CCDC146: variants seen among roughly 807,000 people sequenced by gnomAD.
CCDC146 encodes the protein coiled-coil domain containing 146, also known as coiled-coil domain-containing protein 146.
In CCDC146, 92 loss-of-function variants were observed where a neutral mutation model predicts 119.3. The ratio of observed to expected loss-of-function variants is 0.77; its 90% confidence interval spans 0.65 to 0.92. The LOEUF is 0.92. Among genes scored for constraint, CCDC146 ranks in the 40% least tolerant of loss-of-function variants. The probability of loss-of-function intolerance (pLI) is 0.00; values close to 1 mark genes in which losing one functional copy is unlikely to be tolerated. For synonymous variants in CCDC146, 372 were observed against 371.8 expected (o/e 1.00, Z -0.01); for missense variants, 1,000 against 1,103.0 (o/e 0.91, Z 1.32).
At chr7:77,143,685 A>G (rs1028993040) in intron 1 of CCDC146, among the ~76,000 whole-genome samples, 7 of 151,722 alleles carry the variant, frequency 4.6e-5, no homozygotes, top group African/African-American at 1.7e-4. Flanking sequence ...TCCTTTCTCC[A>G]TTGCTTGTTT....
In CCDC146 at chr7:77,262,233, A is replaced by G. The variant is rs1453460954; in HGVS notation, c.1099A>G (p.Met367Val). The G allele has an allele frequency of 2.5e-6, 4 of 1,613,974 alleles. No individual in the cohort carries two copies. The African/African-American group carries it at 5.3e-5, about 22-fold the overall frequency. ...ACGAGATTTTCGAAATTTAAGAAAG[A>G]TGGAACTGCTCTTGAAAGTGTCCTG... is the stretch of plus-strand genomic sequence containing the variant. ...KERDFRNLRK[M>V]ELLLKVSWDA... The change falls in exon 9 of 19, where the codon ATG becomes GTG. Residue 367 changes from methionine to valine, a missense_variant. This residue lies in a region of CCDC146 where 985 missense variants were observed against 1,045.3 expected (regional missense o/e 0.94). Coordinates refer to ENST00000285871, the MANE Select transcript of CCDC146 (RefSeq NM_020879.3).
chr7:77,166,834 C>T (rs185045142), intron 1 of CCDC146, among the ~76,000 whole-genome samples: 76 of 152,080 alleles, frequency 5.0e-4, no homozygotes, highest in African/African-American at 1.6e-3. Context: ...GTCACCCTGC[C>T]AATATGATTT....
At chr7:77,231,216 A>T (rs1792620916) in intron 2 of CCDC146, among the ~76,000 whole-genome samples, 1 of 152,208 alleles carries the variant, frequency 6.6e-6, no homozygotes, top group Non-Finnish European at 1.5e-5. Flanking sequence ...CTTGTCTTCA[A>T]GTTACCCTTA....
At chr7:77,207,413 C>G (rs1661579625) in intron 2 of CCDC146, among the ~76,000 whole-genome samples, 1 of 152,090 alleles carries the variant, frequency 6.6e-6, no homozygotes, top group Non-Finnish European at 1.5e-5. Flanking sequence ...TTTGACACAG[C>G]TTTTTCTGCT....
In CCDC146 at chr7:77,256,474, C is replaced by T; in HGVS notation, c.649C>T (p.Leu217=). The T allele has an allele frequency of 6.2e-7, 1 of 1,605,480 alleles. No homozygotes were observed. The highest frequency in any genetic ancestry group is 2.2e-5 in the East Asian group (1 of 44,788). The change falls in exon 6 of 19, where the codon CTA becomes TTA. Residue 217 remains leucine (L), a synonymous_variant. Transcript: ENST00000285871. ...QKQLLKEQKE[L]EELLGHQVVL... Reference sequence around the variant, plus strand: ...GCAATTATTAAAAGAGCAGAAGGAACTAGAAGAATTGTTGGGACATCAGGT... The same window carrying T: ...GCAATTATTAAAAGAGCAGAAGGAATTAGAAGAATTGTTGGGACATCAGGT...
At chr7:77,199,039 T>G in intron 2 of CCDC146, 1 of 713,272 alleles carries the variant, frequency 1.4e-6, no homozygotes, top group South Asian at 1.9e-5. Flanking sequence ...TGAGAAGATA[T>G]TTATTTTTTC....
Position 77,287,548 on chromosome 7 carries a change from A to C in CCDC146, c.2386A>C (p.Lys796Gln). The C allele has an allele frequency of 1.2e-6, 2 of 1,613,890 alleles. No homozygotes were observed. The highest frequency in any genetic ancestry group is 1.7e-6 in the Non-Finnish European group (2 of 1,179,996). ...DRLCSKTQGC[K>Q]QDTLLLAKKM... ...GCTCTGCAGCAAAACTCAGGGCTGC[A>C]AGCAGGACACACTGCTCTTAGCCAA... Residue 796 changes from lysine (K) to glutamine (Q), a missense_variant, in exon 17 of 19, where the codon AAG becomes CAG. Coordinates refer to ENST00000285871, the MANE Select transcript of CCDC146 (RefSeq NM_020879.3).
At chr7:77,217,159 T>G (rs960159087) in intron 2 of CCDC146, among the ~76,000 whole-genome samples, 1 of 152,136 alleles carries the variant, frequency 6.6e-6, no homozygotes, top group Admixed American at 6.6e-5. Flanking sequence ...AATTTTAAAG[T>G]ATTAAGTTCT....
intron 2 of CCDC146, among the ~76,000 whole-genome samples, chr7:77,202,909 C>T (rs904065565): frequency 1.3e-5 from 2 of 151,752 alleles, no homozygotes; most frequent in African/African-American, 2.4e-5. Flanking sequence ...CACATTGCCA[C>T]GTAGGAGGAA....
At chr7:77,245,519 G>A (rs762136205) in intron 4 of CCDC146, among the ~76,000 whole-genome samples, 1 of 152,200 alleles carries the variant, frequency 6.6e-6, no homozygotes, top group Non-Finnish European at 1.5e-5. Context: ...GCTGTGGTGA[G>A]CTGGCACTGT....
intron 11 of CCDC146, among the ~76,000 whole-genome samples, chr7:77,277,219 T>G (rs1447980158): frequency 1.3e-5 from 2 of 152,212 alleles, no homozygotes; most frequent in East Asian, 3.8e-4. Flanking sequence ...CTTTCCTAGT[T>G]AGAAACTTCC....
intron 9 of CCDC146, among the ~76,000 whole-genome samples, chr7:77,271,688 C>A (rs1425933111): frequency 6.6e-6 from 1 of 151,186 alleles, no homozygotes; most frequent in Non-Finnish European, 1.5e-5. Context: ...TTCCACAAGC[C>A]AAGCCTACCT....
chr7:77,140,721 T>TA (rs1388162382), intron 1 of CCDC146, among the ~76,000 whole-genome samples: 4 of 152,076 alleles, frequency 2.6e-5, no homozygotes, highest in African/African-American at 9.7e-5. Context: ...TGAGAGAAAT[T>TA]AAAGCAGAGT....
At chr7:77,288,344 G>A (rs1361082692) in intron 17 of CCDC146, among the ~76,000 whole-genome samples, 1 of 152,180 alleles carries the variant, frequency 6.6e-6, no homozygotes, top group African/African-American at 2.4e-5. Flanking sequence ...GTTTATTTTG[G>A]CTCATGGTTC....
chr7:77,148,610 T>G lies in CCDC146; in HGVS notation c.-11-19048T>G, dbSNP rs188098591. Among the ~76,000 whole-genome samples the G allele has an allele frequency of 3.9e-5, 6 of 152,230 alleles. No homozygotes were observed. The South Asian group carries it at 6.2e-4, about 16-fold the overall frequency. On this transcript the variant is annotated intron_variant, in intron 1 of 18. Coordinates refer to ENST00000285871, the MANE Select transcript of CCDC146 (RefSeq NM_020879.3). The stretch of plus-strand genomic sequence containing the variant: ...ATCTCAGCCCCAAATCTCCTTAAGC[T>G]GATGAGCAACTTTGTCAACGCCTCA...
intron 1 of CCDC146, among the ~76,000 whole-genome samples, chr7:77,133,834 C>CAT (rs1790821958): frequency 3.4e-5 from 5 of 145,960 alleles, no homozygotes; most frequent in Non-Finnish European, 7.6e-5. Flanking sequence ...TAGGTACACA[C>CAT]ACACACACAC....
intron 2 of CCDC146, among the ~76,000 whole-genome samples, chr7:77,231,558 C>T (rs1792627067): frequency 6.6e-6 from 1 of 151,964 alleles, no homozygotes; most frequent in East Asian, 1.9e-4. Flanking sequence ...CCGATTGATT[C>T]TTCTGCTTGC....
intron 1 of CCDC146, among the ~76,000 whole-genome samples, chr7:77,133,091 A>G (rs971996490): frequency 4.6e-5 from 7 of 151,688 alleles, no homozygotes; most frequent in African/African-American, 1.5e-4. Flanking sequence ...GAATTGCTTC[A>G]CCCCAGGAGG....
chr7:77,287,255 G>T, intron 16 of CCDC146, 185 bp from the exon 17 acceptor site: 1 of 620,694 alleles, frequency 1.6e-6, no homozygotes. Flanking sequence ...TAGAGCTGAG[G>T]GGGCCATACT....
Sources: allele counts gnomAD v4.1 joint callset (sites outside exome capture counted in the v4.1 genomes callset), GRCh38; gene constraint gnomAD v4.1.1; regional missense constraint gnomAD v4.1.1; transcripts MANE v1.5; gene names NCBI Gene and HGNC (gene_info 2026-07-23, HGNC 2026-07-21).